The following ALCAM variants were observed in gnomAD, a reference collection of about 807,000 sequenced individuals.
The protein encoded by ALCAM is activated leukocyte cell adhesion molecule.
A neutral mutation model predicts 70.9 loss-of-function variants in ALCAM; 30 were observed. The observed-to-expected ratio is 0.42, with a 90% CI of 0.32 to 0.57. The LOEUF is 0.57. Ranked by LOEUF, ALCAM falls within the 20% of genes least tolerant of loss-of-function variation. The pLI, the probability that ALCAM is intolerant of heterozygous loss-of-function variation, is 0.11. For missense variants in ALCAM, 591 were observed against 695.1 expected (o/e 0.85, Z 1.68); for synonymous variants, 249 against 242.5 (o/e 1.03, Z -0.25).
At chr3:105,383,073 A>G (rs535680233) in intron 1 of ALCAM, among the ~76,000 whole-genome samples, 5 of 151,640 alleles carry the variant, frequency 3.3e-5, no homozygotes, top group Non-Finnish European at 7.4e-5. Context: ...ATTCAAGAAC[A>G]CCCTTTGCTT....
chr3:105,523,996 A>G (rs2152624162), intron 2 of ALCAM, among the ~76,000 whole-genome samples: 1 of 152,276 alleles, frequency 6.6e-6, no homozygotes, highest in South Asian at 2.1e-4. Flanking sequence ...TTTATTTTAT[A>G]TTAAACATAT....
chr3:105,414,535 A>G (rs1161250794), intron 1 of ALCAM, among the ~76,000 whole-genome samples: 2 of 152,130 alleles, frequency 1.3e-5, no homozygotes, highest in African/African-American at 2.4e-5. Flanking sequence ...AGTGACCTAG[A>G]AAGGAAGAGG....
intron 1 of ALCAM, among the ~76,000 whole-genome samples, chr3:105,475,410 TA>T (rs1373643040): frequency 6.6e-6 from 1 of 151,956 alleles, no homozygotes; most frequent in Non-Finnish European, 1.5e-5. Flanking sequence ...AATAAAACAG[TA>T]AATTGCAATA....
intron 1 of ALCAM, among the ~76,000 whole-genome samples, chr3:105,438,126 T>C (rs190245072): frequency 6.6e-6 from 1 of 152,256 alleles, no homozygotes; most frequent in East Asian, 1.9e-4. Flanking sequence ...GTGATCTTCC[T>C]TAAAGTATGA....
rs772563885 is a variant in ALCAM at position 105,539,985 on chromosome 3, G to A, written c.741G>A (p.Glu247=). 1.2e-6 allele frequency: 2 copies of A among 1,612,194 alleles called. No homozygotes were observed. Among genetic ancestry groups the A allele is most frequent in the Admixed American group, 1.7e-5 (1 of 59,882 alleles). Residue 247 remains glutamate, a synonymous_variant, in exon 7 of 16, where the codon GAG becomes GAA. Coordinates refer to ENST00000306107, the MANE Select transcript of ALCAM (RefSeq NM_001627.4). The part of the protein sequence containing the change: ...QAVFDIYYPT[E]QVTIQVLPPK... ...CTGTAACTCTTACAGATCCTACAGA[G>A]CAGGTGACAATACAAGTGCTGCCAC... is the stretch of plus-strand genomic sequence containing the variant.
At chr3:105,402,592 G>T (rs973800929) in intron 1 of ALCAM, among the ~76,000 whole-genome samples, 1 of 152,080 alleles carries the variant, frequency 6.6e-6, no homozygotes, top group African/African-American at 2.4e-5. Flanking sequence ...GCATGGGAGC[G>T]GGGTGTGGCC....
chr3:105,459,604 T>C lies in ALCAM; in HGVS notation c.74-60463T>C, dbSNP rs544753647. Among the ~76,000 whole-genome samples, 204 of 152,182 alleles carry C rather than the reference T, an allele frequency of 1.3e-3. 1 individual carries two copies. Among genetic ancestry groups the C allele is most frequent in the African/African-American group, 4.6e-3 (193 of 41,556 alleles). ...ATTGCCTTCTACCTTCCCTTCTGAT[T>C]AGATTGTAAGCCCTTGAAGATCAGG... is the stretch of plus-strand genomic sequence containing the variant. On this transcript the variant is annotated intron_variant, in intron 1 of 15. Coordinates refer to ENST00000306107, the MANE Select transcript of ALCAM (RefSeq NM_001627.4).
chr3:105,394,034 G>A (rs1030760081), intron 1 of ALCAM, among the ~76,000 whole-genome samples: 2 of 151,604 alleles, frequency 1.3e-5, no homozygotes, highest in African/African-American at 4.8e-5. Flanking sequence ...AAAATATTTC[G>A]AGTCCATTCT....
At chr3:105,538,228 G>T (rs915745045) in intron 6 of ALCAM, among the ~76,000 whole-genome samples, 3 of 152,062 alleles carry the variant, frequency 2.0e-5, no homozygotes, top group African/African-American at 7.2e-5. Context: ...TTAGGACATG[G>T]ACTAGGGAAG....
chr3:105,417,506 G>A (rs1308382750), intron 1 of ALCAM, among the ~76,000 whole-genome samples: 1 of 151,510 alleles, frequency 6.6e-6, no homozygotes, highest in African/African-American at 2.4e-5. Flanking sequence ...GAAGATGCTA[G>A]GCTTTGTTAA....
intron 1 of ALCAM, among the ~76,000 whole-genome samples, chr3:105,453,880 G>T (rs904896765): frequency 2.6e-5 from 4 of 152,176 alleles, no homozygotes; most frequent in Non-Finnish European, 5.9e-5. Flanking sequence ...CTCGTCTCTT[G>T]TTGGTGTAAA....
At chr3:105,428,743 A>G (rs1371543971) in intron 1 of ALCAM, among the ~76,000 whole-genome samples, 2 of 152,022 alleles carry the variant, frequency 1.3e-5, no homozygotes, top group Non-Finnish European at 2.9e-5. Flanking sequence ...AAGTTAGATC[A>G]ATACTACTGA....
At position 105,520,061 on chromosome 3, in the gene ALCAM, C is replaced by G; in HGVS notation, c.74-6C>G. 1.3e-6 allele frequency: 2 copies of G among 1,567,830 alleles called. No homozygotes were observed. Among genetic ancestry groups the G allele is most frequent in the Non-Finnish European group, 1.7e-6 (2 of 1,154,512 alleles). ...TCTCTTCTTCCTTTTTTTTTTTCCC[C>G]CAAAGGCCTTGGATGGTATACTGTA... On this transcript the variant is annotated splice_region_variant and splice_polypyrimidine_tract_variant and intron_variant, in intron 1 of 15. Transcript: ENST00000306107.
chr3:105,487,408 G>T (rs1434300379), intron 1 of ALCAM, among the ~76,000 whole-genome samples: 1 of 152,076 alleles, frequency 6.6e-6, no homozygotes, highest in Non-Finnish European at 1.5e-5. Flanking sequence ...ATAAGGCCAA[G>T]ACTAAAATCA....
At chr3:105,448,858 A>G (rs1045949608) in intron 1 of ALCAM, among the ~76,000 whole-genome samples, 1 of 152,148 alleles carries the variant, frequency 6.6e-6, no homozygotes, top group Non-Finnish European at 1.5e-5. Flanking sequence ...CTATTCATTG[A>G]GCTGCACAGC....
At chr3:105,443,686 A>G (rs770445279) in intron 1 of ALCAM, among the ~76,000 whole-genome samples, 1 of 152,224 alleles carries the variant, frequency 6.6e-6, no homozygotes, top group Admixed American at 6.5e-5. Context: ...ACTAAATTTC[A>G]TTTCCACTTA....
At chr3:105,375,700 C>G (rs1422229680) in intron 1 of ALCAM, among the ~76,000 whole-genome samples, 2 of 152,162 alleles carry the variant, frequency 1.3e-5, no homozygotes, top group African/African-American at 4.8e-5. Context: ...GCAAATTGTA[C>G]AACTCCCATT....
At chr3:105,441,586 C>T (rs927395197) in intron 1 of ALCAM, among the ~76,000 whole-genome samples, 1 of 152,158 alleles carries the variant, frequency 6.6e-6, no homozygotes, top group African/African-American at 2.4e-5. Context: ...TGCAACTGAC[C>T]TTGACTGTGC....
At chr3:105,531,375 A>T (rs563273221) in intron 3 of ALCAM, 20 of 152,264 alleles carry the variant, frequency 1.3e-4, no homozygotes, top group African/African-American at 4.6e-4. Flanking sequence ...GACTTGGCTT[A>T]AGAGGTAAAG....
Sources: allele counts gnomAD v4.1 joint callset (sites outside exome capture counted in the v4.1 genomes callset), GRCh38; gene constraint gnomAD v4.1.1; transcripts MANE v1.5; gene names NCBI Gene and HGNC (gene_info 2026-07-23, HGNC 2026-07-21).